The following DEPTOR variants were observed in gnomAD, a reference collection of about 807,000 sequenced individuals.
DEPTOR encodes DEP domain-containing mTOR-interacting protein.
DEPTOR carries 41 observed loss-of-function variants against 41.6 expected under a neutral mutation model. The ratio of observed to expected loss-of-function variants is 0.98; its 90% CI spans 0.77 to 1.28. The LOEUF (loss-of-function observed/expected upper bound fraction) is 1.28. Among genes scored for constraint, DEPTOR ranks in the 50% most tolerant of loss-of-function variants. The pLI is 0.00. For missense variants in DEPTOR, 514 were observed against 527.9 expected, an observed-to-expected ratio of 0.97 and a Z score of 0.26; for synonymous variants, 195 against 192.3, an observed-to-expected ratio of 1.01 and a Z score of -0.12.
chr8:119,940,806 A>T (rs1457536342), intron 3 of DEPTOR, among the ~76,000 whole-genome samples: 1 of 152,190 alleles, frequency 6.6e-6, no homozygotes, highest in African/African-American at 2.4e-5. Flanking sequence ...CACAACAGAG[A>T]TGGACCTTGA....
At chr8:119,944,945 C>T (rs867336962) in intron 3 of DEPTOR, among the ~76,000 whole-genome samples, 2 of 151,882 alleles carry the variant, frequency 1.3e-5, no homozygotes, top group Non-Finnish European at 2.9e-5. Flanking sequence ...TGAGCCACTG[C>T]GCCCAGCCTA....
chr8:119,943,171 T>A (rs1375659861), intron 3 of DEPTOR, among the ~76,000 whole-genome samples: 1 of 152,174 alleles, frequency 6.6e-6, no homozygotes, highest in Non-Finnish European at 1.5e-5. Flanking sequence ...GAGGCACTAG[T>A]AGGAAGTAGG....
chr8:119,987,992 T>A (rs1828851289), intron 4 of DEPTOR, among the ~76,000 whole-genome samples: 1 of 152,140 alleles, frequency 6.6e-6, no homozygotes, highest in South Asian at 2.1e-4. Flanking sequence ...ACCACTTGTC[T>A]CCCTGGCTTC....
At chr8:120,038,902 T>C (rs370874733) in intron 8 of DEPTOR, among the ~76,000 whole-genome samples, 1 of 152,360 alleles carries the variant, frequency 6.6e-6, no homozygotes, top group Admixed American at 6.5e-5. Context: ...GAATTTTTAA[T>C]GAAATTACAC....
At chr8:119,923,250 T>A (rs1315814567) in intron 1 of DEPTOR, among the ~76,000 whole-genome samples, 1 of 152,096 alleles carries the variant, frequency 6.6e-6, no homozygotes, top group African/African-American at 2.4e-5. Context: ...TATTATTTAT[T>A]TATTTATTTT....
chr8:119,956,268 G>A (rs1828415743), intron 3 of DEPTOR, among the ~76,000 whole-genome samples: 1 of 152,290 alleles, frequency 6.6e-6, no homozygotes, highest in Non-Finnish European at 1.5e-5. Context: ...CACGAAAGGC[G>A]TGGTCTTCAA....
chr8:120,020,337 T>C (rs937256020), intron 8 of DEPTOR, among the ~76,000 whole-genome samples: 1 of 152,188 alleles, frequency 6.6e-6, no homozygotes, highest in South Asian at 2.1e-4. Flanking sequence ...TGCTTCAGTC[T>C]CCCAAAGTGC....
chr8:120,016,965 C>T (rs1812622239), intron 8 of DEPTOR, among the ~76,000 whole-genome samples: 1 of 152,122 alleles, frequency 6.6e-6, no homozygotes, highest in Non-Finnish European at 1.5e-5. Context: ...ACACCTGTCT[C>T]ATTGTCTCCA....
Position 120,001,691 on chromosome 8 carries a change from A to C in DEPTOR, c.771A>C (p.Lys257Asn). Residue 257 changes from lysine (K) to asparagine (N), a missense_variant, in exon 5 of 9, where the codon AAA becomes AAC. Coordinates refer to ENST00000286234, the MANE Select transcript of DEPTOR (RefSeq NM_022783.4). Reference protein sequence around the residue: ...CLRKQSHDNRKSTSFMSVSPS... With the variant: ...CLRKQSHDNRNSTSFMSVSPS... ...GGAAGCAGAGCCATGACAATCGGAA[A>C]TCTACCAGCTTTATGTCAGGTATGC... 6.2e-7 allele frequency: 1 copy of C among 1,613,110 alleles called. No individual in the cohort carries two copies.
At chr8:119,888,858 CAAA>C (rs34471575) in intron 1 of DEPTOR, among the ~76,000 whole-genome samples, 24 of 63,858 alleles carry the variant, frequency 3.8e-4, no homozygotes, top group African/African-American at 1.5e-3. Flanking sequence ...TCTGTCTCAG[CAAA>C]AAAAAAAAAA....
intron 4 of DEPTOR, among the ~76,000 whole-genome samples, chr8:119,987,333 C>G (rs1828841369): frequency 6.6e-6 from 1 of 152,192 alleles, no homozygotes; most frequent in Admixed American, 6.5e-5. Flanking sequence ...ACTCCAGACC[C>G]TCTTTGCCTG....
At position 119,886,017 on chromosome 8, in the gene DEPTOR, A is replaced by G. The variant is rs538907373; in HGVS notation, c.122+12049A>G. On this transcript the variant is annotated intron_variant, in intron 1 of 8. Coordinates refer to ENST00000286234, the MANE Select transcript of DEPTOR (RefSeq NM_022783.4). ...TACAATAAAATATGCCATTTGATGA[A>G]TATTGACTAAAGCAATTGCACATCT... is the stretch of plus-strand genomic sequence containing the variant. 8.5e-5 allele frequency among the ~76,000 whole-genome samples: 13 copies of G among 152,266 alleles called. No individual in the cohort carries two copies. In the East Asian group the frequency reaches 1.9e-3, roughly 23 times the overall value.
intron 1 of DEPTOR, chr8:119,891,237 A>G (rs1219661368): frequency 6.6e-6 from 1 of 151,516 alleles, no homozygotes; most frequent in Non-Finnish European, 1.5e-5. Flanking sequence ...GACTCGGTCT[A>G]TTTCTCTTAA....
chr8:119,949,774 G>A (rs1247123666), intron 3 of DEPTOR, among the ~76,000 whole-genome samples: 1 of 152,076 alleles, frequency 6.6e-6, no homozygotes. Context: ...CCACCTCCCG[G>A]GTTCAAGCAA....
intron 5 of DEPTOR, among the ~76,000 whole-genome samples, chr8:120,002,046 A>C (rs1669746183): frequency 6.6e-6 from 1 of 152,172 alleles, no homozygotes. Context: ...AGGTGGGAGA[A>C]TCACTTGAGA....
rs77934822 is a variant in DEPTOR at position 120,042,820 on chromosome 8, ATTTT to A, written c.1102-6752_1102-6749del. On this transcript the variant is annotated intron_variant, in intron 8 of 8. Transcript: ENST00000286234. The stretch of plus-strand genomic sequence containing the variant: ...CAGGTGTGAGCACTGTGCCCAGCGT[ATTTT>A]TTTATTTTTATTTTTTTAATTTTAA... Among the ~76,000 whole-genome samples the A allele has an allele frequency of 1.4e-3, 205 of 151,826 alleles. 4 individuals carry two copies. In the East Asian group the frequency reaches 0.034, roughly 25 times the overall value.
At chr8:120,011,410 A>G (rs1365731210) in intron 8 of DEPTOR, among the ~76,000 whole-genome samples, 1 of 152,212 alleles carries the variant, frequency 6.6e-6, no homozygotes, top group Non-Finnish European at 1.5e-5. Flanking sequence ...CAGAGTAGGA[A>G]TGTTGGCCAG....
chr8:119,928,600 G>T, intron 2 of DEPTOR, 22 bp downstream of exon 2: 2 of 1,605,888 alleles, frequency 1.2e-6, no homozygotes, highest in Non-Finnish European at 8.5e-7. Context: ...GGCGAGTCAA[G>T]GTGACTTGAG....
intron 1 of DEPTOR, among the ~76,000 whole-genome samples, chr8:119,882,387 T>C (rs1027926309): frequency 5.3e-5 from 8 of 151,916 alleles, no homozygotes; most frequent in African/African-American, 1.9e-4. Context: ...TTTATATCTT[T>C]TTTTATTATT....
Sources: allele counts gnomAD v4.1 joint callset (sites outside exome capture counted in the v4.1 genomes callset), GRCh38; gene constraint gnomAD v4.1.1; transcripts MANE v1.5; gene names NCBI Gene and HGNC (gene_info 2026-07-23, HGNC 2026-07-21).